CELF2: variants seen among roughly 807,000 people sequenced by gnomAD.
CELF2 encodes the protein CUG triplet repeat RNA-binding protein 2.
CELF2 carries 8 observed loss-of-function variants against 62.6 expected under a neutral mutation model. The observed-to-expected ratio is 0.13, with a 90% CI of 0.07 to 0.23. The LOEUF (loss-of-function observed/expected upper bound fraction) is 0.23, where lower values mean the gene tolerates loss of function less well. Among genes scored for constraint, CELF2 ranks in the 10% least tolerant of loss-of-function variants. CELF2 has a pLI of 1.00. For missense variants in CELF2, 333 were observed against 671.0 expected, an observed-to-expected ratio of 0.50 and a Z score of 5.56; for synonymous variants, 258 against 250.0, an observed-to-expected ratio of 1.03 and a Z score of -0.30.
intron 8 of CELF2, among the ~76,000 whole-genome samples, chr10:11,284,418 T>G (rs2090379497): frequency 7.9e-6 from 1 of 127,096 alleles, no homozygotes. Flanking sequence ...GATGACTGTG[T>G]GGTAGGTGGA....
chr10:10,631,441 A>G, the CELF2 span, among the ~76,000 whole-genome samples: 1 of 152,210 alleles, frequency 6.6e-6, no homozygotes, highest in Admixed American at 6.5e-5. Flanking sequence ...AGTTTGAAAA[A>G]TATTAGCTTG....
At chr10:10,620,152 T>C in the CELF2 span, among the ~76,000 whole-genome samples, 1 of 152,250 alleles carries the variant, frequency 6.6e-6, no homozygotes, top group African/African-American at 2.4e-5. Context: ...AGGCCGAATT[T>C]GGCCCACTAC....
rs576198472 is a variant in CELF2 at position 11,260,321 on chromosome 10, A to G, written c.538+2449A>G. ...GTCTGCTGGCCTGGCTGATCTAGGC[A>G]GTGACTCTCTGGCACATTTTCTCTG... On this transcript the variant is annotated intron_variant, in intron 5 of 12. Transcript: ENST00000633077. This position sits in a 1 kb window ranked among gnomAD's most constrained non-coding sequence, Gnocchi z 4.2. 1.2e-4 allele frequency among the ~76,000 whole-genome samples: 18 copies of G among 152,332 alleles called. No individual in the cohort carries two copies. The highest frequency in any genetic ancestry group is 1.5e-5 in the Non-Finnish European group (1 of 68,022).
chr10:10,607,891 A>G, the CELF2 span, among the ~76,000 whole-genome samples: 1 of 151,622 alleles, frequency 6.6e-6, no homozygotes, highest in South Asian at 2.1e-4. Flanking sequence ...AGGAGGTGGG[A>G]GGTGGCAGGT....
intron 2 of CELF2, among the ~76,000 whole-genome samples, chr10:10,963,499 T>C (rs2049784448): frequency 6.6e-6 from 1 of 152,200 alleles, no homozygotes; most frequent in African/African-American, 2.4e-5. Flanking sequence ...TTGTCAGAAG[T>C]GCATGTACAA....
chr10:10,514,313 T>A, the CELF2 span, among the ~76,000 whole-genome samples: 1 of 152,338 alleles, frequency 6.6e-6, no homozygotes, highest in East Asian at 1.9e-4. Flanking sequence ...ATTTTTTTTT[T>A]AAATCAGTTG....
the CELF2 span, among the ~76,000 whole-genome samples, chr10:10,689,656 G>T: frequency 6.6e-6 from 1 of 152,076 alleles, no homozygotes; most frequent in African/African-American, 2.4e-5. Context: ...ACCAGAAAAG[G>T]CATTCAAATC....
intron 12 of CELF2, 117 bp downstream of exon 12, chr10:11,326,096 T>C: frequency 2.9e-6 from 3 of 1,018,568 alleles, no homozygotes; most frequent in East Asian, 4.9e-5. Context: ...TGTGTTGGGC[T>C]CTGATTTTCT....
chr10:10,832,935 C>A (rs2057990813), intron 1 of CELF2, among the ~76,000 whole-genome samples: 2 of 151,398 alleles, frequency 1.3e-5, no homozygotes, highest in South Asian at 2.1e-4. Flanking sequence ...CTTAGGACAG[C>A]GTTTTAGAGC....
At chr10:10,655,786 C>T in the CELF2 span, among the ~76,000 whole-genome samples, 3 of 135,038 alleles carry the variant, frequency 2.2e-5, no homozygotes, top group African/African-American at 5.4e-5. Flanking sequence ...AAAACCTAGG[C>T]ATTACCATTC....
chr10:10,504,840 A>G, the CELF2 span, among the ~76,000 whole-genome samples: 4 of 151,298 alleles, frequency 2.6e-5, no homozygotes, highest in South Asian at 8.4e-4. Context: ...TGAGCTTTTT[A>G]TTTTGGTTAT....
chr10:10,693,164 A>C, the CELF2 span, among the ~76,000 whole-genome samples: 2 of 90,050 alleles, frequency 2.2e-5, no homozygotes, highest in Non-Finnish European at 4.5e-5. Flanking sequence ...GATAGCTCTT[A>C]TTATTTTGAA....
At chr10:11,063,955 G>A (rs537470659) in intron 1 of CELF2, among the ~76,000 whole-genome samples, 1 of 152,244 alleles carries the variant, frequency 6.6e-6, no homozygotes, top group Admixed American at 6.5e-5. Context: ...TGTAGCTCCT[G>A]GAGTGTGCTG....
rs796607505 is a variant in CELF2 at position 11,188,531 on chromosome 10, G to GT, written c.271+22858dup. ...TTTCAGATGTCATCCTTCTCCTTCT[G>GT]TTTTTTTTTCCTCAGTCTGCTTTTA... On this transcript the variant is annotated intron_variant, in intron 2 of 12. Coordinates refer to ENST00000633077, the MANE Select transcript of CELF2 (RefSeq NM_001326342.2). Among the ~76,000 whole-genome samples, 24 of 150,846 alleles carry GT rather than the reference G, an allele frequency of 1.6e-4. 1 individual carries two copies. The highest frequency in any genetic ancestry group is 6.3e-4 in the South Asian group (3 of 4,748).
At chr10:11,294,678 C>T (rs544955614) in intron 9 of CELF2, among the ~76,000 whole-genome samples, 4 of 152,090 alleles carry the variant, frequency 2.6e-5, no homozygotes, top group South Asian at 2.1e-4. Flanking sequence ...TTTGGGAGGC[C>T]GAGGCGGGTG....
At chr10:10,638,061 T>C in the CELF2 span, among the ~76,000 whole-genome samples, 1 of 152,198 alleles carries the variant, frequency 6.6e-6, no homozygotes, top group Non-Finnish European at 1.5e-5. Flanking sequence ...GGGATACTGA[T>C]GTGGACAGAG....
At chr10:11,160,183 T>C (rs1248572624) in intron 1 of CELF2, among the ~76,000 whole-genome samples, 1 of 152,236 alleles carries the variant, frequency 6.6e-6, no homozygotes, top group Non-Finnish European at 1.5e-5. Context: ...GCCATAGGAT[T>C]ATAGAAATTA....
At position 11,110,509 on chromosome 10, in the gene CELF2, A is replaced by C. The variant is rs189154988; in HGVS notation, c.75-54977A>C. ...TTCTGCTTCGTCTAAACACTGCTAGATTGATGAAATACACTAATGCATGGA... is the reference window on the plus strand; with the variant it reads ...TTCTGCTTCGTCTAAACACTGCTAGCTTGATGAAATACACTAATGCATGGA... On this transcript the variant is annotated intron_variant, in intron 1 of 12. Coordinates refer to ENST00000633077, the MANE Select transcript of CELF2 (RefSeq NM_001326342.2). The surrounding 1 kb of genome is among the most constrained non-coding windows in gnomAD (Gnocchi z 4.0). 1.9e-4 allele frequency among the ~76,000 whole-genome samples: 29 copies of C among 152,310 alleles called. No individual in the cohort carries two copies. The highest frequency in any genetic ancestry group is 6.7e-4 in the African/African-American group (28 of 41,566).
chr10:11,294,070 C>T (rs1423672421), intron 9 of CELF2, among the ~76,000 whole-genome samples: 2 of 152,224 alleles, frequency 1.3e-5, no homozygotes, highest in Non-Finnish European at 2.9e-5. Context: ...TACTAACTTA[C>T]ACCAAAACAA....
Sources: allele counts gnomAD v4.1 joint callset (sites outside exome capture counted in the v4.1 genomes callset), GRCh38; gene constraint gnomAD v4.1.1; non-coding constraint Gnocchi (gnomAD v3.1); transcripts MANE v1.5; gene names NCBI Gene and HGNC (gene_info 2026-07-23, HGNC 2026-07-21).